VRK2: variants seen among roughly 807,000 people sequenced by gnomAD.
VRK2 encodes VRK serine/threonine kinase 2.
In VRK2, 60 loss-of-function variants were observed where a neutral mutation model predicts 57.6. That is an observed-to-expected ratio of 1.04 (90% confidence interval 0.85 to 1.29). The LOEUF (loss-of-function observed/expected upper bound fraction) is 1.29. Ranked by LOEUF, VRK2 falls within the 50% of genes most tolerant of loss-of-function variation. VRK2 has a pLI of 0.00. For missense variants in VRK2, 705 were observed against 588.1 expected (o/e 1.20, Z -2.06); for synonymous variants, 231 against 199.2 (o/e 1.16, Z -1.35).
At chr2:58,122,840 G>T (rs1374545315) in intron 7 of VRK2, among the ~76,000 whole-genome samples, 2 of 152,050 alleles carry the variant, frequency 1.3e-5, no homozygotes, top group Non-Finnish European at 2.9e-5. Flanking sequence ...TGGAGGGAAG[G>T]GAATTTAGGA....
chr2:58,108,037 C>T (rs1467371823), intron 7 of VRK2, among the ~76,000 whole-genome samples: 1 of 152,104 alleles, frequency 6.6e-6, no homozygotes, highest in East Asian at 1.9e-4. Flanking sequence ...CTCAGTCCTC[C>T]ATAAACGGAC....
intron 8 of VRK2, 43 bp from the exon 9 acceptor site, chr2:58,131,765 C>T: frequency 6.6e-7 from 1 of 1,520,682 alleles, no homozygotes; most frequent in Non-Finnish European, 8.8e-7. Context: ...TTCTCAAGGA[C>T]TTGCTTATCC....
intron 12 of VRK2, among the ~76,000 whole-genome samples, chr2:58,147,759 T>C (rs1651059289): frequency 6.6e-6 from 1 of 151,670 alleles, no homozygotes; most frequent in Admixed American, 6.6e-5. Context: ...CATGCAGTCA[T>C]ATAGTATGCA....
chr2:58,000,999 T>C (rs530913196), intron 1 of VRK2, among the ~76,000 whole-genome samples: 23 of 152,338 alleles, frequency 1.5e-4, no homozygotes, highest in African/African-American at 5.1e-4. Context: ...TATTTTTCTA[T>C]CTACAACAAT....
At chr2:58,113,455 G>A (rs1474111757) in intron 7 of VRK2, among the ~76,000 whole-genome samples, 1 of 152,136 alleles carries the variant, frequency 6.6e-6, no homozygotes, top group Non-Finnish European at 1.5e-5. Flanking sequence ...CGTGTGAAGA[G>A]ACCACCAAAC....
At chr2:58,037,722 T>C (rs960217205) in intron 3 of VRK2, among the ~76,000 whole-genome samples, 3 of 152,134 alleles carry the variant, frequency 2.0e-5, no homozygotes, top group African/African-American at 7.2e-5. Flanking sequence ...ACAATACTCC[T>C]GCAATATGTC....
chr2:57,957,741 G>C (rs565065471), intron 1 of VRK2, among the ~76,000 whole-genome samples: 2 of 151,154 alleles, frequency 1.3e-5, no homozygotes, highest in South Asian at 4.2e-4. Context: ...AATCATGCAG[G>C]GTCATTTTTT....
In VRK2 at chr2:58,083,112, T is replaced by TA. The variant is rs1263492218; in HGVS notation, c.137-976dup. 2.0e-5 allele frequency among the ~76,000 whole-genome samples: 3 copies of TA among 151,792 alleles called. No homozygotes were observed. The East Asian group carries it at 5.8e-4, about 29-fold the overall frequency. ...TGATCCTGTTCTCAAGTCTGTTTCTTACTGATTTTCAATTGTAGTCAATAC... is the reference window on the plus strand; with the variant it reads ...TGATCCTGTTCTCAAGTCTGTTTCTTAACTGATTTTCAATTGTAGTCAATAC... On this transcript the variant is annotated intron_variant, in intron 2 of 12. Transcript: ENST00000340157.
chr2:58,059,246 A>G (rs182766442), intron 2 of VRK2, among the ~76,000 whole-genome samples: 37 of 152,174 alleles, frequency 2.4e-4, no homozygotes, highest in Non-Finnish European at 4.3e-4. Flanking sequence ...TAGTCATCCA[A>G]TAGTTCATGC....
chr2:58,037,451 G>T (rs1374930119), intron 3 of VRK2, among the ~76,000 whole-genome samples: 1 of 152,064 alleles, frequency 6.6e-6, no homozygotes, highest in Non-Finnish European at 1.5e-5. Context: ...GGGGCAGGTG[G>T]GGTGAGGGGT....
chr2:58,085,090 A>G (rs1469503525), intron 4 of VRK2, 140 bp downstream of exon 4: 2 of 687,428 alleles, frequency 2.9e-6, no homozygotes, highest in Middle Eastern at 3.8e-4. Flanking sequence ...TAACTGTTAC[A>G]ACATATAAAA....
chr2:58,093,193 T>A (rs573671007), intron 7 of VRK2, among the ~76,000 whole-genome samples: 1 of 152,336 alleles, frequency 6.6e-6, no homozygotes, highest in East Asian at 1.9e-4. Flanking sequence ...ATGGGATGGC[T>A]GGGTCAAATG....
chr2:57,972,121 G>T (rs1379967620), intron 1 of VRK2, among the ~76,000 whole-genome samples: 1 of 151,614 alleles, frequency 6.6e-6, no homozygotes, highest in East Asian at 1.9e-4. Flanking sequence ...CTCAGACCTT[G>T]GTTTGTTTTA....
chr2:58,087,985 CA>C lies in VRK2; in HGVS notation c.345-346del, dbSNP rs534570077. ...CTGGTGACAGAGCGGGACTCTGTCTCAAAAAAAAAATCAAGTGTGTACAATA... is the reference window on the plus strand; with the variant it reads ...CTGGTGACAGAGCGGGACTCTGTCTCAAAAAAAAATCAAGTGTGTACAATA... On this transcript the variant is annotated intron_variant, in intron 5 of 12. Coordinates refer to ENST00000340157, the MANE Select transcript of VRK2 (RefSeq NM_006296.7). 1.4e-4 allele frequency among the ~76,000 whole-genome samples: 21 copies of C among 145,714 alleles called. No homozygotes were observed. In the South Asian group the frequency reaches 3.7e-3, roughly 26 times the overall value.
intron 1 of VRK2, among the ~76,000 whole-genome samples, chr2:57,988,578 A>G (rs1672670002): frequency 1.3e-5 from 2 of 152,212 alleles, no homozygotes; most frequent in Admixed American, 1.3e-4. Flanking sequence ...ATTGAATGAA[A>G]TGGTATTGGA....
At chr2:57,976,641 T>G (rs1285165736) in intron 1 of VRK2, among the ~76,000 whole-genome samples, 2 of 152,176 alleles carry the variant, frequency 1.3e-5, no homozygotes, top group Admixed American at 1.3e-4. Context: ...ATTCATAATT[T>G]GCAAATATAT....
At chr2:58,026,449 CACAATT>C (rs1673929416) in intron 2 of VRK2, among the ~76,000 whole-genome samples, 1 of 152,110 alleles carries the variant, frequency 6.6e-6, no homozygotes, top group African/African-American at 2.4e-5. Context: ...ACTACATATA[CACAATT>C]ACTCTTTCTA....
At chr2:58,068,084 G>A (rs549127430) in intron 2 of VRK2, among the ~76,000 whole-genome samples, 3 of 151,688 alleles carry the variant, frequency 2.0e-5, no homozygotes, top group South Asian at 2.1e-4. Context: ...TGTATGCTAC[G>A]ACGCCCAGCT....
intron 2 of VRK2, among the ~76,000 whole-genome samples, chr2:58,050,362 T>A (rs780149906): frequency 4.6e-5 from 7 of 152,192 alleles, no homozygotes; most frequent in Non-Finnish European, 7.4e-5. Context: ...CTGTATAGAA[T>A]AGTGCAAATA....
Sources: allele counts gnomAD v4.1 joint callset (sites outside exome capture counted in the v4.1 genomes callset), GRCh38; gene constraint gnomAD v4.1.1; transcripts MANE v1.5; gene names NCBI Gene and HGNC (gene_info 2026-07-23, HGNC 2026-07-21).